GUCY1A2: variants seen among roughly 807,000 people sequenced by gnomAD.
GUCY1A2 encodes the protein guanylate cyclase 1 soluble subunit alpha 2, also known as guanylate cyclase soluble subunit alpha-2.
GUCY1A2 carries 27 observed loss-of-function variants against 63.5 expected under a neutral mutation model. The ratio of observed to expected loss-of-function variants is 0.43; its 90% CI spans 0.31 to 0.59. The LOEUF (loss-of-function observed/expected upper bound fraction) is 0.59, where lower values mean the gene tolerates loss of function less well. Ranked by LOEUF, GUCY1A2 falls within the 20% of genes least tolerant of loss-of-function variation. The probability of loss-of-function intolerance (pLI) is 0.11; values close to 1 mark genes in which losing one functional copy is unlikely to be tolerated. For missense variants in GUCY1A2, 768 were observed against 913.3 expected, an observed-to-expected ratio of 0.84 and a Z score of 2.05; for synonymous variants, 364 against 343.5, an observed-to-expected ratio of 1.06 and a Z score of -0.66.
intron 1 of GUCY1A2, among the ~76,000 whole-genome samples, chr11:106,997,836 A>G (rs570327308): frequency 6.6e-6 from 1 of 152,060 alleles, no homozygotes; most frequent in East Asian, 1.9e-4. Context: ...TCCTGGGTGA[A>G]TCTAAGTGGG....
intron 4 of GUCY1A2, among the ~76,000 whole-genome samples, chr11:106,921,257 T>C (rs1387928131): frequency 1.3e-5 from 2 of 152,052 alleles, no homozygotes; most frequent in Non-Finnish European, 2.9e-5. Context: ...AGACCAGAAC[T>C]TGCAGCATCA....
intron 4 of GUCY1A2, among the ~76,000 whole-genome samples, chr11:106,847,252 A>G (rs1859287333): frequency 1.4e-5 from 2 of 146,970 alleles, no homozygotes; most frequent in South Asian, 4.2e-4. Context: ...ATATATATAT[A>G]TATATAAAAA....
intron 4 of GUCY1A2, among the ~76,000 whole-genome samples, chr11:106,893,657 G>C (rs1860005597): frequency 6.6e-6 from 1 of 152,102 alleles, no homozygotes; most frequent in Non-Finnish European, 1.5e-5. Context: ...AAATCTATAA[G>C]AGAAATGATG....
chr11:106,912,198 C>T (rs1860304586), intron 4 of GUCY1A2, among the ~76,000 whole-genome samples: 1 of 151,958 alleles, frequency 6.6e-6, no homozygotes, highest in Non-Finnish European at 1.5e-5. Flanking sequence ...CATATCAACT[C>T]CCATCTTTTT....
chr11:106,919,144 G>A lies in GUCY1A2; in HGVS notation c.1206+20316C>T, dbSNP rs111745821. 1.3e-3 allele frequency among the ~76,000 whole-genome samples: 195 copies of A among 152,178 alleles called. 1 individual carries two copies. The highest frequency in any genetic ancestry group is 4.4e-3 in the African/African-American group (183 of 41,528). ...AGTCAAATCACCGGACAAAAAACAA[G>A]CGTGATTATATATTGTTATGTTTGC... On this transcript the variant is annotated intron_variant, in intron 4 of 7. Coordinates refer to ENST00000526355, the MANE Select transcript of GUCY1A2 (RefSeq NM_000855.3).
At chr11:106,993,568 C>T (rs1414140867) in intron 1 of GUCY1A2, among the ~76,000 whole-genome samples, 1 of 151,970 alleles carries the variant, frequency 6.6e-6, no homozygotes, top group African/African-American at 2.4e-5. Context: ...AAATATAGAA[C>T]TTTGAGTCAG....
In GUCY1A2 at chr11:106,680,653, C is replaced by T. The variant is rs1291719342; in HGVS notation, c.*6896G>A. On this transcript the variant is annotated 3_prime_UTR_variant, in exon 8 of 8. Coordinates refer to ENST00000526355, the MANE Select transcript of GUCY1A2 (RefSeq NM_000855.3). ...AAGGATTTAAGGATCCAGTGATATA[C>T]AAGAGGATAATTGTCAAAGCCTCAG... The T allele has an allele frequency of 3.0e-5, 6 of 199,996 alleles. No individual in the cohort carries two copies. The highest frequency in any genetic ancestry group is 5.2e-5 in the Non-Finnish European group (5 of 96,976). 12.4% of individuals were successfully genotyped at this position (199,996 alleles called of 1,614,324 possible).
Position 106,978,339 on chromosome 11 carries a change from T to C in GUCY1A2, c.487+280A>G, listed in dbSNP as rs571897754. Among the ~76,000 whole-genome samples, 49 of 152,284 alleles carry C rather than the reference T, an allele frequency of 3.2e-4. 1 individual carries two copies. The South Asian group carries it at 6.6e-3, about 21-fold the overall frequency. On this transcript the variant is annotated intron_variant, in intron 3 of 7. Transcript: ENST00000526355. Reference sequence around the variant, plus strand: ...AGAATAAGGGCCAAAGAAATATGGATTATACAGAGCTAATACTATTCACAT... The same window carrying C: ...AGAATAAGGGCCAAAGAAATATGGACTATACAGAGCTAATACTATTCACAT...
chr11:106,948,356 A>C (rs1268783589), intron 3 of GUCY1A2, among the ~76,000 whole-genome samples: 1 of 152,182 alleles, frequency 6.6e-6, no homozygotes, highest in Non-Finnish European at 1.5e-5. Flanking sequence ...AGTAGGATTT[A>C]TATCAGAAAT....
intron 3 of GUCY1A2, among the ~76,000 whole-genome samples, chr11:106,944,686 C>G (rs1421416575): frequency 3.3e-5 from 5 of 152,014 alleles, no homozygotes; most frequent in Admixed American, 3.3e-4. Context: ...AAACATACAT[C>G]AGAAATAAAT....
chr11:106,776,363 A>G, intron 6 of GUCY1A2, 76 bp downstream of exon 6: 1 of 1,182,328 alleles, frequency 8.5e-7, no homozygotes, highest in South Asian at 1.4e-5. Flanking sequence ...CAAAAAGTAG[A>G]ACTTGGAAGG....
At chr11:106,952,941 G>A (rs1860930738) in intron 3 of GUCY1A2, among the ~76,000 whole-genome samples, 1 of 152,074 alleles carries the variant, frequency 6.6e-6, no homozygotes, top group African/African-American at 2.4e-5. Context: ...CACCCAGCCA[G>A]GGTTTTCTAA....
At chr11:106,907,119 C>G (rs1317028820) in intron 4 of GUCY1A2, among the ~76,000 whole-genome samples, 1 of 152,026 alleles carries the variant, frequency 6.6e-6, no homozygotes, top group Non-Finnish European at 1.5e-5. Flanking sequence ...AGCAGCTCCA[C>G]TGATGAACTG....
intron 3 of GUCY1A2, among the ~76,000 whole-genome samples, chr11:106,970,717 A>C (rs1861182344): frequency 6.6e-6 from 1 of 152,190 alleles, no homozygotes; most frequent in Admixed American, 6.5e-5. Flanking sequence ...TTGCACTCCT[A>C]AGTATTTACC....
At chr11:106,698,252 T>C (rs566810394) in intron 7 of GUCY1A2, among the ~76,000 whole-genome samples, 8 of 150,728 alleles carry the variant, frequency 5.3e-5, no homozygotes, top group Admixed American at 1.3e-4. Context: ...CTTGAGCAAC[T>C]GAGACTTTAG....
intron 4 of GUCY1A2, among the ~76,000 whole-genome samples, chr11:106,860,987 G>A (rs1164616488): frequency 1.3e-5 from 2 of 151,964 alleles, no homozygotes; most frequent in East Asian, 1.9e-4. Flanking sequence ...GAAGGAGGAG[G>A]AGGAGGAGGA....
At chr11:106,993,955 G>T (rs1446532544) in intron 1 of GUCY1A2, among the ~76,000 whole-genome samples, 1 of 152,154 alleles carries the variant, frequency 6.6e-6, no homozygotes, top group Non-Finnish European at 1.5e-5. Flanking sequence ...AATCCTAGGG[G>T]TGCTAAAGGA....
chr11:106,873,041 T>C (rs1164890605), intron 4 of GUCY1A2, among the ~76,000 whole-genome samples: 3 of 152,204 alleles, frequency 2.0e-5, no homozygotes, highest in African/African-American at 7.2e-5. Context: ...GATCCTGTGT[T>C]AGTTTGCTGA....
At chr11:106,808,670 T>C (rs1263027439) in intron 5 of GUCY1A2, among the ~76,000 whole-genome samples, 1 of 152,070 alleles carries the variant, frequency 6.6e-6, no homozygotes, top group Non-Finnish European at 1.5e-5. Context: ...CTGCTTTAAC[T>C]GGAGGAAGCA....
Sources: allele counts gnomAD v4.1 joint callset (sites outside exome capture counted in the v4.1 genomes callset), GRCh38; gene constraint gnomAD v4.1.1; transcripts MANE v1.5; gene names NCBI Gene and HGNC (gene_info 2026-07-23, HGNC 2026-07-21).